BRDT: variants seen among roughly 807,000 people sequenced by gnomAD.
BRDT encodes the protein bromodomain testis associated.
Under a neutral mutation model 113.9 loss-of-function variants are expected in BRDT, and 77 were observed. The observed-to-expected ratio is 0.68, with a 90% CI of 0.56 to 0.82. The LOEUF (loss-of-function observed/expected upper bound fraction) is 0.82. BRDT is among the 40% of genes least tolerant of loss of function. BRDT has a pLI of 0.00. For synonymous variants in BRDT, 358 were observed against 366.5 expected (o/e 0.98, Z 0.26); for missense variants, 1,027 against 1,105.4 (o/e 0.93, Z 1.01).
intron 3 of BRDT, among the ~76,000 whole-genome samples, chr1:91,967,868 G>A (rs1557815850): frequency 1.3e-5 from 2 of 152,264 alleles, no homozygotes; most frequent in East Asian, 1.9e-4. Flanking sequence ...GATTTAGTAG[G>A]ATTGCTTGGA....
intron 16 of BRDT, among the ~76,000 whole-genome samples, chr1:92,002,371 TG>T (rs1460307703): frequency 6.6e-6 from 1 of 151,894 alleles, no homozygotes; most frequent in African/African-American, 2.4e-5. Flanking sequence ...TTTTTGTTGT[TG>T]TTTTTTTTTG....
At chr1:91,955,413 C>A (rs1261669109) in intron 1 of BRDT, among the ~76,000 whole-genome samples, 1 of 152,164 alleles carries the variant, frequency 6.6e-6, no homozygotes, top group Non-Finnish European at 1.5e-5. Flanking sequence ...GAGATTGCTC[C>A]ATGGCACTCC....
intron 4 of BRDT, among the ~76,000 whole-genome samples, chr1:91,969,809 TTG>T (rs759081138): frequency 2.7e-5 from 4 of 146,778 alleles, no homozygotes; most frequent in African/African-American, 7.7e-5. Context: ...TTTTTTGTTT[TTG>T]TGTGTGTGTG....
intron 1 of BRDT, chr1:91,950,854 A>C (rs1570393413): frequency 6.6e-6 from 1 of 151,712 alleles, no homozygotes; most frequent in Non-Finnish European, 1.5e-5. Flanking sequence ...GCGAAACCCC[A>C]TCTCTACTAA....
At chr1:91,974,424 C>G (rs1384520275) in intron 4 of BRDT, among the ~76,000 whole-genome samples, 1 of 152,044 alleles carries the variant, frequency 6.6e-6, no homozygotes, top group Admixed American at 6.6e-5. Flanking sequence ...ACAAAGAACT[C>G]AAACTGATTT....
chr1:91,976,574 C>G (rs1684160140), intron 5 of BRDT, 136 bp downstream of exon 5: 1 of 835,314 alleles, frequency 1.2e-6, no homozygotes, highest in Non-Finnish European at 1.7e-6. Flanking sequence ...TGAAATAATA[C>G]TGTTTCCGCC....
chr1:91,971,352 T>C (rs1033999924), intron 4 of BRDT, among the ~76,000 whole-genome samples: 22 of 152,188 alleles, frequency 1.4e-4, no homozygotes, highest in African/African-American at 5.1e-4. Flanking sequence ...TTAGAGGTGA[T>C]ACAAGTTATG....
At chr1:91,994,001 C>A in intron 14 of BRDT, 82 bp from the exon 15 acceptor site, 3 of 1,125,094 alleles carry the variant, frequency 2.7e-6, no homozygotes, top group Non-Finnish European at 3.7e-6. Context: ...AAATTATATT[C>A]TTGACTCTTG....
At chr1:91,968,071 A>G in intron 3 of BRDT, 75 bp from the exon 4 acceptor site, 1 of 1,481,852 alleles carries the variant, frequency 6.7e-7, no homozygotes, top group Non-Finnish European at 9.2e-7. Context: ...CCTTCCATAA[A>G]GTGGGCTGAA....
In BRDT at chr1:91,981,262, A is replaced by G. The variant is rs748263891; in HGVS notation, c.1751-6A>G. The stretch of plus-strand genomic sequence containing the variant: ...TACTCACTTTCTTCCCTCCTAAATC[A>G]CACAGCTAAGAAAATAATGATGTCC... On this transcript the variant is annotated splice_polypyrimidine_tract_variant and splice_region_variant and intron_variant, in intron 10 of 18. Coordinates refer to ENST00000399546, the MANE Select transcript of BRDT (RefSeq NM_207189.4). The G allele has an allele frequency of 6.2e-7, 1 of 1,613,214 alleles. No individual in the cohort carries two copies. Among genetic ancestry groups the G allele is most frequent in the East Asian group, 2.2e-5 (1 of 44,866 alleles).
chr1:91,986,086 A>C (rs1483157778), intron 12 of BRDT, among the ~76,000 whole-genome samples: 1 of 152,250 alleles, frequency 6.6e-6, no homozygotes, highest in Non-Finnish European at 1.5e-5. Context: ...TAAATATAAA[A>C]TCTTTTAAAA....
chr1:92,011,634 AG>A (rs934057284), intron 18 of BRDT, among the ~76,000 whole-genome samples: 6 of 152,158 alleles, frequency 3.9e-5, no homozygotes, highest in Admixed American at 3.3e-4. Flanking sequence ...ACTGCACCCT[AG>A]TTGCGGCCCA....
intron 1 of BRDT, among the ~76,000 whole-genome samples, chr1:91,956,309 C>G (rs1039390496): frequency 5.3e-4 from 1 of 1,880 alleles, no homozygotes; most frequent in Non-Finnish European, 1.3e-3. Flanking sequence ...TTCTTCCTGC[C>G]CCCCCCCACC....
chr1:91,984,533 T>C (rs1685021386), intron 12 of BRDT, among the ~76,000 whole-genome samples: 1 of 152,220 alleles, frequency 6.6e-6, no homozygotes, highest in Non-Finnish European at 1.5e-5. Flanking sequence ...GAAAATTTAA[T>C]TTATGAAAAT....
At chr1:91,963,295 CAA>C (rs755334698) in intron 2 of BRDT, among the ~76,000 whole-genome samples, 7 of 152,080 alleles carry the variant, frequency 4.6e-5, no homozygotes, top group Non-Finnish European at 8.8e-5. Flanking sequence ...GCCTGGGCAA[CAA>C]GAGTAAAACT....
intron 1 of BRDT, among the ~76,000 whole-genome samples, chr1:91,959,970 G>A (rs1474116185): frequency 1.3e-5 from 2 of 152,254 alleles, no homozygotes; most frequent in East Asian, 3.9e-4. Context: ...CAGAGATTGG[G>A]ACCTGAGCAT....
chr1:91,983,242 A>C (rs1195796363), intron 12 of BRDT, among the ~76,000 whole-genome samples: 1 of 150,352 alleles, frequency 6.7e-6, no homozygotes, highest in East Asian at 2.0e-4. Context: ...TATCAGAATA[A>C]CTCAGTCTCA....
intron 12 of BRDT, among the ~76,000 whole-genome samples, chr1:91,983,142 T>G (rs1278064448): frequency 1.3e-5 from 2 of 152,182 alleles, no homozygotes; most frequent in Non-Finnish European, 2.9e-5. Context: ...TGATACAATA[T>G]TATTATATAT....
intron 13 of BRDT, among the ~76,000 whole-genome samples, chr1:91,991,808 CG>C (rs1685778796): frequency 6.6e-6 from 1 of 150,896 alleles, no homozygotes; most frequent in African/African-American, 2.4e-5. Flanking sequence ...CTGGCTAATA[CG>C]GTGAAACCCC....
Sources: gnomAD v4.1 joint callset for allele counts (sites outside exome capture counted in the v4.1 genomes callset) on GRCh38, gnomAD v4.1.1 for gene constraint, MANE v1.5 for transcripts, NCBI Gene and HGNC (gene_info 2026-07-23, HGNC 2026-07-21) for gene names.